The following SLC25A21 variants were observed in gnomAD, a reference collection of about 807,000 sequenced individuals.
SLC25A21 encodes solute carrier family 25 member 21, also known as mitochondrial 2-oxodicarboxylate carrier.
In SLC25A21, 47 loss-of-function variants were observed where a neutral mutation model predicts 43.8. The ratio of observed to expected loss-of-function variants is 1.07; its 90% CI spans 0.85 to 1.37. The LOEUF (loss-of-function observed/expected upper bound fraction) is 1.37. Ranked by LOEUF, SLC25A21 falls within the 40% of genes most tolerant of loss-of-function variation. The pLI is 0.00. For missense variants in SLC25A21, 352 were observed against 350.2 expected (o/e 1.00, Z -0.04); for synonymous variants, 131 against 121.3 (o/e 1.08, Z -0.52).
At chr14:37,064,176 A>T (rs1962010932) in intron 1 of SLC25A21, among the ~76,000 whole-genome samples, 1 of 152,110 alleles carries the variant, frequency 6.6e-6, no homozygotes, top group East Asian at 1.9e-4. Context: ...TGGAATTAGG[A>T]CACCCTTCTT....
intron 2 of SLC25A21, among the ~76,000 whole-genome samples, chr14:36,838,799 A>G (rs1249283521): frequency 6.6e-6 from 1 of 152,140 alleles, no homozygotes; most frequent in Non-Finnish European, 1.5e-5. Flanking sequence ...GAAAGTCTTA[A>G]TTATTTCTTA....
chr14:36,926,079 A>T (rs868663946), intron 1 of SLC25A21, among the ~76,000 whole-genome samples: 1 of 152,180 alleles, frequency 6.6e-6, no homozygotes, highest in African/African-American at 2.4e-5. Flanking sequence ...TGTACATGAA[A>T]CATTTACCAA....
chr14:36,768,862 A>C (rs1886509259), intron 3 of SLC25A21, among the ~76,000 whole-genome samples: 1 of 151,166 alleles, frequency 6.6e-6, no homozygotes, highest in Non-Finnish European at 1.5e-5. Context: ...TGGAAGGCTG[A>C]GGCAGAAGGA....
chr14:37,145,382 G>A (rs1053185658), intron 1 of SLC25A21, among the ~76,000 whole-genome samples: 2 of 151,724 alleles, frequency 1.3e-5, no homozygotes, highest in African/African-American at 4.8e-5. Flanking sequence ...CTCCATGCCT[G>A]TGTGCCCAGA....
chr14:36,711,117 G>A (rs1489598418), intron 7 of SLC25A21, among the ~76,000 whole-genome samples: 1 of 152,050 alleles, frequency 6.6e-6, no homozygotes, highest in Non-Finnish European at 1.5e-5. Flanking sequence ...ATGTGAGCTG[G>A]GCAATTTCCT....
intron 1 of SLC25A21, among the ~76,000 whole-genome samples, chr14:37,093,928 T>C (rs1962637640): frequency 6.6e-6 from 1 of 152,204 alleles, no homozygotes; most frequent in Non-Finnish European, 1.5e-5. Context: ...CCATGTTTTC[T>C]CTTTAGCTTA....
intron 3 of SLC25A21, among the ~76,000 whole-genome samples, chr14:36,800,084 G>T (rs991059939): frequency 6.6e-6 from 1 of 151,876 alleles, no homozygotes; most frequent in Non-Finnish European, 1.5e-5. Context: ...TTTAAATTTT[G>T]TTTTTGCAGA....
At chr14:36,865,478 G>A (rs184838276) in intron 2 of SLC25A21, among the ~76,000 whole-genome samples, 16 of 152,114 alleles carry the variant, frequency 1.1e-4, no homozygotes, top group African/African-American at 2.7e-4. Context: ...CAAAAACCAC[G>A]GAATGAGCTC....
chr14:37,070,423 C>T (rs1281514608), intron 1 of SLC25A21, among the ~76,000 whole-genome samples: 3 of 152,100 alleles, frequency 2.0e-5, no homozygotes, highest in African/African-American at 7.2e-5. Context: ...TCTGCAAATG[C>T]CCTAAGTCCT....
intron 1 of SLC25A21, among the ~76,000 whole-genome samples, chr14:37,048,173 A>G (rs942993040): frequency 6.6e-6 from 1 of 152,138 alleles, no homozygotes; most frequent in East Asian, 1.9e-4. Context: ...TTCCTCCCTC[A>G]ACATATCTGA....
At chr14:36,826,562 A>C (rs1888839166) in intron 2 of SLC25A21, among the ~76,000 whole-genome samples, 1 of 152,210 alleles carries the variant, frequency 6.6e-6, no homozygotes, top group Non-Finnish European at 1.5e-5. Flanking sequence ...ACTAAGGACC[A>C]GAGAACCTAG....
intron 1 of SLC25A21, among the ~76,000 whole-genome samples, chr14:36,911,537 G>A (rs545286327): frequency 7.1e-4 from 107 of 149,894 alleles, no homozygotes; most frequent in African/African-American, 2.5e-3. Flanking sequence ...TATATAAGCA[G>A]AGACTTGAAA....
chr14:36,851,411 A>T (rs897749218), intron 2 of SLC25A21, among the ~76,000 whole-genome samples: 2 of 152,208 alleles, frequency 1.3e-5, no homozygotes, highest in African/African-American at 4.8e-5. Flanking sequence ...TTCTATAATC[A>T]GGCAGCAAGA....
At chr14:37,002,247 CAGAG>C (rs1467911927) in intron 1 of SLC25A21, among the ~76,000 whole-genome samples, 2 of 152,140 alleles carry the variant, frequency 1.3e-5, no homozygotes, top group Non-Finnish European at 2.9e-5. Flanking sequence ...GATTTAAACA[CAGAG>C]AGCCCAGCTC....
rs117903698 is a variant in SLC25A21 at position 37,147,221 on chromosome 14, G to T, written c.70+25060C>A. Among the ~76,000 whole-genome samples, 520 of 152,196 alleles carry T rather than the reference G, an allele frequency of 3.4e-3. 9 individuals carry two copies. In the East Asian group the frequency reaches 0.044, roughly 13 times the overall value. ...AAATAAAGAAATGCCAGTTAACAGC[G>T]TTATTAAAATTTACTTTAAGGACTT... is the stretch of plus-strand genomic sequence containing the variant. On this transcript the variant is annotated intron_variant, in intron 1 of 9. Coordinates refer to ENST00000331299, the MANE Select transcript of SLC25A21 (RefSeq NM_030631.4).
chr14:36,863,718 C>T (rs1461622609), intron 2 of SLC25A21, among the ~76,000 whole-genome samples: 1 of 152,106 alleles, frequency 6.6e-6, no homozygotes, highest in Admixed American at 6.5e-5. Flanking sequence ...TCTTGGGGAC[C>T]AATTTTTTCC....
At chr14:37,147,326 G>A (rs1359905756) in intron 1 of SLC25A21, among the ~76,000 whole-genome samples, 1 of 152,168 alleles carries the variant, frequency 6.6e-6, no homozygotes, top group Non-Finnish European at 1.5e-5. Context: ...ATATTTGAAA[G>A]AAATGTCAAA....
In SLC25A21 at chr14:36,842,986, G is replaced by T. The variant is rs34057474; in HGVS notation, c.120-28985C>A. On this transcript the variant is annotated intron_variant, in intron 2 of 9. Coordinates refer to ENST00000331299, the MANE Select transcript of SLC25A21 (RefSeq NM_030631.4). ...CTCAGATCATCAAGCATTAGTTAGAGTCTCATAAGCAGCGTGCAACCTAGA... is the reference window on the plus strand; with the variant it reads ...CTCAGATCATCAAGCATTAGTTAGATTCTCATAAGCAGCGTGCAACCTAGA... 6.0e-3 allele frequency among the ~76,000 whole-genome samples: 912 copies of T among 152,262 alleles called. 2 individuals carry two copies. Among genetic ancestry groups the T allele is most frequent in the African/African-American group, 0.02 (831 of 41,536 alleles).
chr14:36,718,179 T>G (rs1276109265), intron 6 of SLC25A21, among the ~76,000 whole-genome samples: 1 of 152,168 alleles, frequency 6.6e-6, no homozygotes, highest in East Asian at 1.9e-4. Context: ...AAAACAAAAA[T>G]CTAGGGTTCC....
Sources: gnomAD v4.1 joint callset for allele counts (sites outside exome capture counted in the v4.1 genomes callset) on GRCh38, gnomAD v4.1.1 for gene constraint, MANE v1.5 for transcripts, NCBI Gene and HGNC (gene_info 2026-07-23, HGNC 2026-07-21) for gene names.